The following FCGR1A variants were observed in gnomAD, a reference collection of about 807,000 sequenced individuals.
FCGR1A encodes Fc gamma receptor Ia, also known as high affinity immunoglobulin gamma Fc receptor I.
A neutral mutation model predicts 35.0 loss-of-function variants in FCGR1A; 13 were observed. That is an observed-to-expected ratio of 0.37 (90% CI 0.24 to 0.59). The LOEUF (loss-of-function observed/expected upper bound fraction) is 0.59, where lower values mean the gene tolerates loss of function less well. Among genes scored for constraint, FCGR1A ranks in the 20% least tolerant of loss-of-function variants. The pLI is 0.71. For synonymous variants in FCGR1A, 91 were observed against 164.7 expected, an observed-to-expected ratio of 0.55 and a Z score of 3.43; for missense variants, 227 against 430.0, an observed-to-expected ratio of 0.53 and a Z score of 4.17.
At chr1:149,787,218 T>C (rs1465035423) in intron 3 of FCGR1A, 4 of 152,224 alleles carry the variant, frequency 2.6e-5, no homozygotes, top group African/African-American at 9.6e-5. Context: ...GACTGTAAAA[T>C]TCATGCTATG....
At chr1:149,795,251 AAAATAAATAAAT>A (rs59487657), downstream of FCGR1A, among the ~76,000 whole-genome samples, 1,402 of 107,730 alleles carry the variant, frequency 0.013, 3 homozygotes, top group Middle Eastern at 0.026. Flanking sequence ...CCCTGTCTCA[AAAATAAATAAAT>A]AAATAAATAA....
At position 149,784,032 on chromosome 1, in the gene FCGR1A, C is replaced by A. The variant is rs1283617164; in HGVS notation, c.82C>A (p.Pro28Thr). The change falls in exon 3 of 6, where the codon CCT (proline) becomes ACT (threonine). Residue 28 changes from proline to threonine, a missense_variant. Physicochemically the swap from Pro to Thr is conservative, Grantham distance 38. Transcript: ENST00000369168. Reference sequence around the variant, plus strand: ...CACAAAGGCAGTGATCACTTTGCAGCCTCCATGGGTCAGCGTGTTCCAAGA... The same window carrying A: ...CACAAAGGCAGTGATCACTTTGCAGACTCCATGGGTCAGCGTGTTCCAAGA... ...DTTKAVITLQ[P>T]PWVSVFQEET... 2.0e-5 allele frequency: 32 copies of A among 1,609,094 alleles called. No individual in the cohort carries two copies. The highest frequency in any genetic ancestry group is 5.5e-5 in the South Asian group (5 of 90,852).
intron 3 of FCGR1A, chr1:149,786,459 CA>C (rs2091552537): frequency 6.6e-6 from 1 of 152,214 alleles, no homozygotes; most frequent in Non-Finnish European, 1.5e-5. Flanking sequence ...AATACACCAA[CA>C]TTTTTGGTTG....
At chr1:149,793,968 A>G (rs2091770029), downstream of FCGR1A, 1 of 1,092,790 alleles carries the variant, frequency 9.2e-7, no homozygotes, top group Non-Finnish European at 1.2e-6. Context: ...GATTAGCTAG[A>G]CCTGCCCAGC....
the FCGR1A span, among the ~76,000 whole-genome samples, chr1:149,799,693 A>T: frequency 2.6e-5 from 4 of 152,092 alleles, no homozygotes; most frequent in Non-Finnish European, 5.9e-5. Context: ...CTGTTACATG[A>T]GTTTGGAACA....
the FCGR1A span, among the ~76,000 whole-genome samples, chr1:149,797,122 A>G: frequency 6.6e-6 from 1 of 152,340 alleles, no homozygotes; most frequent in South Asian, 2.1e-4. Context: ...CATCTTGGCT[A>G]GGCTGGTCTC....
chr1:149,791,695 A>C (rs782246182), downstream of FCGR1A: 28 of 954,864 alleles, frequency 2.9e-5, no homozygotes, highest in African/African-American at 5.3e-5. Flanking sequence ...AAATGTGGTC[A>C]TCAAAGATGA....
chr1:149,792,733 G>C (rs782692674), downstream of FCGR1A: 26 of 1,283,626 alleles, frequency 2.0e-5, 1 homozygote, highest in South Asian at 3.0e-4. Context: ...GCAGCTCCGC[G>C]CCCCCGCCAA....
Position 149,784,228 on chromosome 1 carries a change from G to C in FCGR1A, c.278G>C (p.Ser93Thr), listed in dbSNP as rs1445953784. 5 of 1,611,056 alleles carry C rather than the reference G, an allele frequency of 3.1e-6. No homozygotes were observed. The highest frequency in any genetic ancestry group is 3.4e-6 in the Non-Finnish European group (4 of 1,179,826). ...TGCCAGAGAGGTCTCTCAGGGCGAA[G>C]TGACCCCATACAGCTGGAAATCCAC... is the stretch of plus-strand genomic sequence containing the variant. ...YRCQRGLSGR[S>T]DPIQLEIHRG... Residue 93 changes from serine (S) to threonine (T), a missense_variant, in exon 3 of 6, where the codon AGT becomes ACT. By Grantham distance (58) the Ser-to-Thr change is moderately conservative (BLOSUM62 1). Around this residue, in one of 3 missense-constraint regions of FCGR1A, gnomAD observed 185 missense variants for 306.6 expected, o/e 0.60. Transcript: ENST00000369168.
At chr1:149,800,354 T>A in the FCGR1A span, among the ~76,000 whole-genome samples, 1 of 151,846 alleles carries the variant, frequency 6.6e-6, no homozygotes, top group Admixed American at 6.6e-5. Flanking sequence ...ATTAAACCAT[T>A]GGCCATTGGT....
rs782538146 is a variant in FCGR1A at position 149,790,066 on chromosome 1, C to A, written c.572C>A (p.Ala191Asp). 1.2e-6 allele frequency: 2 copies of A among 1,613,794 alleles called. No homozygotes were observed. The highest frequency in any genetic ancestry group is 1.3e-5 in the African/African-American group (1 of 74,838). ...ACTTTCTCCTTAGAGCTATTTCCAG[C>A]TCCAGTGCTGAATGCATCTGTGACA... The part of the protein sequence containing the change: ...ISVTVKELFP[A>D]PVLNASVTSP... Residue 191 changes from alanine to aspartate, a missense_variant, in exon 5 of 6, where the codon GCT (alanine) becomes GAT (aspartate). By Grantham distance (126) the Ala-to-Asp change is moderately radical (BLOSUM62 -2). Coordinates refer to ENST00000369168, the MANE Select transcript of FCGR1A (RefSeq NM_000566.4).
In FCGR1A at chr1:149,790,325, G is replaced by C. The variant is rs1393937754; in HGVS notation, c.831G>C (p.Glu277Asp). The change falls in exon 5 of 6, where the codon GAG becomes GAC. Residue 277 changes from glutamate (E) to aspartate (D), a missense_variant. Around this residue, in one of 3 missense-constraint regions of FCGR1A, gnomAD observed 185 missense variants for 306.6 expected, o/e 0.60. Transcript: ENST00000369168. ...GNVLKRSPELELQVLGLQLPT... is the reference protein window; with the variant it reads ...GNVLKRSPELDLQVLGLQLPT... ...TCCTTAAGCGCAGCCCTGAGTTGGA[G>C]CTTCAAGTGCTTGGTGAGTGAGAAT... 1.5e-5 allele frequency: 24 copies of C among 1,587,324 alleles called. No individual in the cohort carries two copies. Among genetic ancestry groups the C allele is most frequent in the Middle Eastern group, 4.3e-4 (2 of 4,670 alleles).
chr1:149,786,643 A>T (rs1336085784), intron 3 of FCGR1A: 4 of 151,946 alleles, frequency 2.6e-5, no homozygotes, highest in Admixed American at 6.6e-5. Context: ...AAAGTCATGA[A>T]GGTAGGGGAA....
rs1235386217 is a variant in FCGR1A at position 149,788,433 on chromosome 1, T to G, written c.375T>G (p.His125Gln). The change falls in exon 4 of 6, where the codon CAT becomes CAG. Residue 125 changes from histidine (H) to glutamine (Q), a missense_variant. By Grantham distance (24) the His-to-Gln change is conservative. Transcript: ENST00000369168. The part of the protein sequence containing the change: ...TEGEPLALRC[H>Q]AWKDKLVYNV... ...GAGAACCTCTGGCCTTGAGGTGTCATGCGTGGAAGGATAAGCTGGTGTACA... is the reference window on the plus strand; with the variant it reads ...GAGAACCTCTGGCCTTGAGGTGTCAGGCGTGGAAGGATAAGCTGGTGTACA... 4 of 1,613,704 alleles carry G rather than the reference T, an allele frequency of 2.5e-6. No individual in the cohort carries two copies. Among genetic ancestry groups the G allele is most frequent in the Middle Eastern group, 3.3e-4 (2 of 6,018 alleles).
Position 149,788,262 on chromosome 1 carries a change from G to A in FCGR1A, c.308-104G>A, listed in dbSNP as rs1194059024. The stretch of plus-strand genomic sequence containing the variant: ...GCCTGAGATTTGGCAGAGCTCTGAG[G>A]CTGGATGTTGCAAGGAGAAAAAATA... On this transcript the variant is annotated intron_variant, in intron 3 of 5. Coordinates refer to ENST00000369168, the MANE Select transcript of FCGR1A (RefSeq NM_000566.4). 8.7e-6 allele frequency: 14 copies of A among 1,608,546 alleles called. No homozygotes were observed. The African/African-American group carries it at 1.6e-4, about 18-fold the overall frequency.
At position 149,791,236 on chromosome 1, in the gene FCGR1A, G is replaced by A; in HGVS notation, c.845-1G>A. On this transcript the variant is annotated splice_acceptor_variant, in intron 5 of 5. Transcript: ENST00000369168. LOFTEE classifies it high-confidence loss of function. ...CTTCTCTTTGTCTTTTTCTGTTTCA[G>A]GCCTCCAGTTACCAACTCCTGTCTG... The A allele has an allele frequency of 6.2e-7, 1 of 1,605,328 alleles. No homozygotes were observed. Among genetic ancestry groups the A allele is most frequent in the East Asian group, 2.3e-5 (1 of 44,200 alleles).
At chr1:149,796,484 A>T (rs1346456495), downstream of FCGR1A, among the ~76,000 whole-genome samples, 3 of 152,220 alleles carry the variant, frequency 2.0e-5, no homozygotes, top group Non-Finnish European at 2.9e-5. Flanking sequence ...GTTCTTCTGG[A>T]AGGGCAGAAA....
At chr1:149,796,207 T>C (rs1184833393), downstream of FCGR1A, among the ~76,000 whole-genome samples, 1 of 152,198 alleles carries the variant, frequency 6.6e-6, no homozygotes, top group Admixed American at 6.5e-5. Flanking sequence ...ACATGTATAC[T>C]ACTCAACACT....
intron 3 of FCGR1A, 52 bp downstream of exon 3, chr1:149,784,309 G>A (rs202221056): frequency 4.3e-5 from 69 of 1,610,192 alleles, no homozygotes; most frequent in Middle Eastern, 2.3e-4. Flanking sequence ...CTTCCTCTGC[G>A]TTCTCTCCTT....
Sources: gnomAD v4.1 joint callset for allele counts (sites outside exome capture counted in the v4.1 genomes callset) on GRCh38, gnomAD v4.1.1 for gene constraint, gnomAD v4.1.1 regional missense constraint, MANE v1.5 for transcripts, NCBI Gene and HGNC (gene_info 2026-07-23, HGNC 2026-07-21) for gene names.